The following AKAP6 variants were observed in gnomAD, a reference collection of about 807,000 sequenced individuals.
The protein encoded by AKAP6 is A-kinase anchor protein 6.
Under a neutral mutation model 188.5 loss-of-function variants are expected in AKAP6, and 58 were observed. The observed-to-expected ratio is 0.31, with a 90% CI of 0.25 to 0.38. The LOEUF is 0.38. Among genes scored for constraint, AKAP6 ranks in the 10% least tolerant of loss-of-function variants. The probability of loss-of-function intolerance (pLI) is 1.00; values close to 1 mark genes in which losing one functional copy is unlikely to be tolerated. For synonymous variants in AKAP6, 989 were observed against 998.6 expected, an observed-to-expected ratio of 0.99 and a Z score of 0.18; for missense variants, 2,710 against 2,740.0, an observed-to-expected ratio of 0.99 and a Z score of 0.24.
chr14:32,648,623 C>T (rs1251746885), intron 7 of AKAP6, among the ~76,000 whole-genome samples: 1 of 152,134 alleles, frequency 6.6e-6, no homozygotes, highest in Non-Finnish European at 1.5e-5. Flanking sequence ...AGCACCCAGG[C>T]ATGCTGAAGA....
chr14:32,474,899 C>G (rs1213854147), intron 2 of AKAP6, among the ~76,000 whole-genome samples: 1 of 152,208 alleles, frequency 6.6e-6, no homozygotes, highest in East Asian at 1.9e-4. Context: ...AAAATTCTAA[C>G]CTACCATTCA....
rs748491503 is a variant in AKAP6 at position 32,822,189 on chromosome 14, A to G, written c.4376A>G (p.Gln1459Arg). The G allele has an allele frequency of 1.2e-6, 2 of 1,613,900 alleles. No homozygotes were observed. The highest frequency in any genetic ancestry group is 1.1e-5 in the South Asian group (1 of 91,076). Residue 1459 changes from glutamine (Q) to arginine (R), a missense_variant, in exon 13 of 14, where the codon CAA becomes CGA. By Grantham distance (43) the Gln-to-Arg change is conservative. Coordinates refer to ENST00000280979, the MANE Select transcript of AKAP6 (RefSeq NM_004274.5). ...HTPDCLGEEL[Q>R]GKHDVFTFYD... ...CCTGACTGTTTGGGAGAAGAATTACAAGGAAAACATGATGTGTTTACATTT... is the reference window on the plus strand; with the variant it reads ...CCTGACTGTTTGGGAGAAGAATTACGAGGAAAACATGATGTGTTTACATTT...
intron 1 of AKAP6, among the ~76,000 whole-genome samples, chr14:32,387,463 T>C (rs1888569600): frequency 6.8e-6 from 1 of 148,102 alleles, no homozygotes; most frequent in South Asian, 2.1e-4. Flanking sequence ...TTATTATATT[T>C]ATCATTTTTT....
At chr14:32,525,252 G>C (rs1882061953) in intron 2 of AKAP6, among the ~76,000 whole-genome samples, 1 of 152,160 alleles carries the variant, frequency 6.6e-6, no homozygotes, top group South Asian at 2.1e-4. Flanking sequence ...CAAACTTTTT[G>C]TTTAGGGTTT....
At chr14:32,539,035 A>G (rs1882806523) in intron 3 of AKAP6, among the ~76,000 whole-genome samples, 2 of 152,116 alleles carry the variant, frequency 1.3e-5, no homozygotes, top group Admixed American at 1.3e-4. Context: ...ACTATGTATA[A>G]GACTCTATGC....
intron 1 of AKAP6, among the ~76,000 whole-genome samples, chr14:32,382,267 T>A (rs1348631774): frequency 7.1e-6 from 1 of 141,346 alleles, no homozygotes. Flanking sequence ...TACCCCTCTG[T>A]CTGAGAGTAA....
chr14:32,773,289 C>G (rs772600784), intron 11 of AKAP6, among the ~76,000 whole-genome samples: 4 of 152,058 alleles, frequency 2.6e-5, no homozygotes, highest in Non-Finnish European at 5.9e-5. Flanking sequence ...TGGAAAAATT[C>G]TATTTCTTTT....
intron 1 of AKAP6, among the ~76,000 whole-genome samples, chr14:32,374,059 C>T (rs1295721150): frequency 6.6e-6 from 1 of 152,188 alleles, no homozygotes; most frequent in East Asian, 1.9e-4. Flanking sequence ...TAAAAAGGCC[C>T]AGAGACAGCA....
At chr14:32,699,213 C>T (rs2139707185) in intron 9 of AKAP6, among the ~76,000 whole-genome samples, 2 of 152,258 alleles carry the variant, frequency 1.3e-5, no homozygotes, top group Admixed American at 1.3e-4. Flanking sequence ...AGAAAATCAG[C>T]TAGCCTTACC....
intron 1 of AKAP6, among the ~76,000 whole-genome samples, chr14:32,366,205 A>C (rs953448146): frequency 1.3e-5 from 2 of 152,092 alleles, no homozygotes; most frequent in Admixed American, 6.5e-5. Context: ...ACCATGCCAT[A>C]ATTCCCCTGT....
chr14:32,495,244 CGACTT>C (rs1880246614), intron 2 of AKAP6: 1 of 152,160 alleles, frequency 6.6e-6, no homozygotes, highest in African/African-American at 2.4e-5. Context: ...AAAACCAAAT[CGACTT>C]GAGTTACAAG....
chr14:32,604,808 A>G (rs1271303738), intron 7 of AKAP6, among the ~76,000 whole-genome samples: 4 of 152,198 alleles, frequency 2.6e-5, no homozygotes, highest in Non-Finnish European at 5.9e-5. Flanking sequence ...GTAAATATAC[A>G]AGACTTCATT....
intron 7 of AKAP6, chr14:32,616,843 G>A (rs1253328777): frequency 6.6e-6 from 1 of 152,110 alleles, no homozygotes; most frequent in Non-Finnish European, 1.5e-5. Context: ...GCATTTTTCA[G>A]TTGACTCAGT....
intron 12 of AKAP6, among the ~76,000 whole-genome samples, chr14:32,813,388 T>TCCCCC (rs1491211749): frequency 1.4e-5 from 1 of 71,346 alleles, no homozygotes; most frequent in Non-Finnish European, 2.6e-5. Flanking sequence ...TCTCTAACCC[T>TCCCCC]ACCCCCCCCC....
At chr14:32,721,070 A>G (rs115217881) in intron 9 of AKAP6, among the ~76,000 whole-genome samples, 3,729 of 152,300 alleles carry the variant, frequency 0.024, 131 homozygotes, top group African/African-American at 0.085. Flanking sequence ...CAGATATTAC[A>G]TAATTGCATA....
chr14:32,618,676 T>G (rs1886687526), intron 7 of AKAP6, among the ~76,000 whole-genome samples: 1 of 152,196 alleles, frequency 6.6e-6, no homozygotes, highest in African/African-American at 2.4e-5. Context: ...GCTGTCTTTT[T>G]GATATAATGA....
At chr14:32,509,948 C>T (rs1203510018) in intron 2 of AKAP6, among the ~76,000 whole-genome samples, 1 of 152,132 alleles carries the variant, frequency 6.6e-6, no homozygotes, top group East Asian at 1.9e-4. Context: ...TCTGTCATTC[C>T]ATAAGCCCTA....
At chr14:32,416,518 A>T (rs544959245) in intron 1 of AKAP6, among the ~76,000 whole-genome samples, 1 of 152,150 alleles carries the variant, frequency 6.6e-6, no homozygotes, top group East Asian at 1.9e-4. Context: ...TGATGCACAA[A>T]ATTTTAAAAC....
intron 9 of AKAP6, among the ~76,000 whole-genome samples, chr14:32,699,350 A>G (rs138830409): frequency 2.6e-5 from 4 of 152,356 alleles, no homozygotes; most frequent in African/African-American, 9.6e-5. Flanking sequence ...TACACAAGGA[A>G]TTTATAAAGA....
Sources: allele counts gnomAD v4.1 joint callset (sites outside exome capture counted in the v4.1 genomes callset), GRCh38; gene constraint gnomAD v4.1.1; transcripts MANE v1.5; gene names NCBI Gene and HGNC (gene_info 2026-07-23, HGNC 2026-07-21).